The following SEMA6D variants were observed in gnomAD, a reference collection of about 807,000 sequenced individuals.
SEMA6D encodes semaphorin-6D.
SEMA6D carries 35 observed loss-of-function variants against 106.6 expected under a neutral mutation model. The observed-to-expected ratio is 0.33, with a 90% CI of 0.25 to 0.44. The LOEUF is 0.44. Among genes scored for constraint, SEMA6D ranks in the 20% least tolerant of loss-of-function variants. The pLI is 1.00. For synonymous variants in SEMA6D, 499 were observed against 487.7 expected, an observed-to-expected ratio of 1.02 and a Z score of -0.31; for missense variants, 1,185 against 1,345.9, an observed-to-expected ratio of 0.88 and a Z score of 1.87.
Position 47,441,036 on chromosome 15 carries a change from C to T in SEMA6D, c.-159+28564C>T, listed in dbSNP as rs2041866765. On this transcript the variant is annotated intron_variant, in intron 2 of 19. Coordinates refer to the SEMA6D transcript ENST00000558014. ...GAAATGTTACCATTCCCCTGACATTCCGCTTGACACTTAACCTTACCATGG... is the reference window on the plus strand; with the variant it reads ...GAAATGTTACCATTCCCCTGACATTTCGCTTGACACTTAACCTTACCATGG... Among the ~76,000 whole-genome samples the T allele has an allele frequency of 2.0e-5, 3 of 152,068 alleles. No individual in the cohort carries two copies. The South Asian group carries it at 6.2e-4, about 31-fold the overall frequency.
rs1159505240 is a variant in SEMA6D, at chr15:47,770,681, A to G, written c.2118A>G (p.Ser706=). The G allele has an allele frequency of 6.2e-7, 1 of 1,614,136 alleles. No homozygotes were observed. Among genetic ancestry groups the G allele is most frequent in the Non-Finnish European group, 8.5e-7 (1 of 1,179,986 alleles). ...ATAAAGATGCAGAGTCCGCCCAGTCATGCACAGACTCCAGTGGAAGTTTTG... is the reference window on the plus strand; with the variant it reads ...ATAAAGATGCAGAGTCCGCCCAGTCGTGCACAGACTCCAGTGGAAGTTTTG... ...KIHKDAESAQ[S]CTDSSGSFAK... Residue 706 remains serine (S), a synonymous_variant, in exon 19 of 19, where the codon TCA becomes TCG. Transcript: ENST00000536845.
At chr15:47,556,693 C>T (rs757232099) in intron 3 of SEMA6D, among the ~76,000 whole-genome samples, 80 of 152,194 alleles carry the variant, frequency 5.3e-4, no homozygotes, top group Non-Finnish European at 8.4e-4. Flanking sequence ...TCCCTTTTCC[C>T]TCACTGCTTT....
intron 6 of SEMA6D, 97 bp downstream of exon 6, chr15:47,761,528 G>T: frequency 7.8e-7 from 1 of 1,281,140 alleles, no homozygotes; most frequent in Non-Finnish European, 1.1e-6. Context: ...CCAGTAATTT[G>T]TTTTATCTCT....
chr15:47,326,702 T>C (rs2037145873), intron 1 of SEMA6D, among the ~76,000 whole-genome samples: 1 of 152,192 alleles, frequency 6.6e-6, no homozygotes. Flanking sequence ...TAAGCACCGC[T>C]TGTTGAAGGC....
At chr15:47,678,491 A>T (rs2145540055) in intron 4 of SEMA6D, among the ~76,000 whole-genome samples, 1 of 152,296 alleles carries the variant, frequency 6.6e-6, no homozygotes, top group Admixed American at 6.5e-5. Flanking sequence ...TTTGATCCTT[A>T]CATCAACACT....
At chr15:47,264,525 A>C (rs1387619644) in intron 1 of SEMA6D, among the ~76,000 whole-genome samples, 1 of 152,046 alleles carries the variant, frequency 6.6e-6, no homozygotes, top group African/African-American at 2.4e-5. Context: ...AAGGTACGAG[A>C]ATTCTCTCTC....
chr15:47,478,965 C>T (rs906991897), intron 3 of SEMA6D, among the ~76,000 whole-genome samples: 3 of 152,076 alleles, frequency 2.0e-5, no homozygotes, highest in Non-Finnish European at 4.4e-5. Flanking sequence ...TATTTATTCA[C>T]TCTCCCGAGA....
chr15:47,254,331 G>GTGTGTATA (rs33925888), intron 1 of SEMA6D, among the ~76,000 whole-genome samples: 3 of 139,254 alleles, frequency 2.2e-5, no homozygotes, highest in Non-Finnish European at 4.6e-5. Flanking sequence ...GTGTGTGTGT[G>GTGTGTATA]TATATATATA....
At chr15:47,731,032 A>G (rs150484536) in intron 1 of SEMA6D, 21,587 of 590,790 alleles carry the variant, frequency 0.037, 571 homozygotes, top group Middle Eastern at 0.093. Flanking sequence ...AATCTACTTC[A>G]TGAATGTGCA....
chr15:47,592,946 T>G (rs1369631), intron 3 of SEMA6D, among the ~76,000 whole-genome samples: 151,003 of 152,262 alleles, frequency 0.99, 74,885 homozygotes, highest in Middle Eastern at 1. Flanking sequence ...TTCACTAATG[T>G]AATAAACAAA....
At chr15:47,577,391 A>G (rs1172310847) in intron 3 of SEMA6D, among the ~76,000 whole-genome samples, 1 of 152,232 alleles carries the variant, frequency 6.6e-6, no homozygotes, top group African/African-American at 2.4e-5. Context: ...ATTTCTGAAA[A>G]AGTCACTTTC....
At chr15:47,581,364 C>A (rs2076251589) in intron 3 of SEMA6D, 2 of 493,016 alleles carry the variant, frequency 4.1e-6, no homozygotes, top group Admixed American at 2.0e-5. Flanking sequence ...TATAAACAAG[C>A]AAACTGCCAA....
intron 1 of SEMA6D, among the ~76,000 whole-genome samples, chr15:47,250,773 C>T (rs985960836): frequency 9.2e-5 from 14 of 152,194 alleles, no homozygotes; most frequent in African/African-American, 3.1e-4. Flanking sequence ...AAGGTCACTG[C>T]GTATGGCTCT....
intron 1 of SEMA6D, among the ~76,000 whole-genome samples, chr15:47,362,312 G>A (rs2038841919): frequency 6.6e-6 from 1 of 152,190 alleles, no homozygotes; most frequent in African/African-American, 2.4e-5. Context: ...TGGATAAATA[G>A]TATGCTAATG....
intron 1 of SEMA6D, among the ~76,000 whole-genome samples, chr15:47,392,158 C>A (rs1010224548): frequency 1.3e-5 from 2 of 152,182 alleles, no homozygotes; most frequent in African/African-American, 4.8e-5. Context: ...GCACAGAAAA[C>A]GATCTGAATG....
intron 3 of SEMA6D, among the ~76,000 whole-genome samples, chr15:47,544,896 A>G (rs2045469829): frequency 6.6e-6 from 1 of 152,142 alleles, no homozygotes; most frequent in Admixed American, 6.6e-5. Context: ...CTGTTAAACG[A>G]TATGAATGGC....
intron 4 of SEMA6D, among the ~76,000 whole-genome samples, chr15:47,637,015 A>G (rs553398530): frequency 2.6e-5 from 4 of 152,180 alleles, no homozygotes; most frequent in Non-Finnish European, 4.4e-5. Context: ...TTATGTGGAC[A>G]TAAGTGTGAT....
intron 6 of SEMA6D, 110 bp downstream of exon 6, chr15:47,761,541 T>C (rs2082061495): frequency 1.6e-6 from 2 of 1,239,238 alleles, no homozygotes; most frequent in South Asian, 2.8e-5. Flanking sequence ...TTATCTCTAG[T>C]GCAATGAAAG....
intron 3 of SEMA6D, among the ~76,000 whole-genome samples, chr15:47,473,985 C>T (rs908673311): frequency 1.3e-5 from 2 of 152,084 alleles, no homozygotes; most frequent in Non-Finnish European, 1.5e-5. Flanking sequence ...TCCCAGCTGG[C>T]CAGGGGAGCC....
Sources: allele counts gnomAD v4.1 joint callset (sites outside exome capture counted in the v4.1 genomes callset), GRCh38; gene constraint gnomAD v4.1.1; transcripts MANE v1.5; gene names NCBI Gene and HGNC (gene_info 2026-07-23, HGNC 2026-07-21).